The following TBCEL variants were observed in gnomAD, a reference collection of about 807,000 sequenced individuals.
TBCEL encodes the protein tubulin folding cofactor E like, also known as tubulin-specific chaperone cofactor E-like protein.
A neutral mutation model predicts 44.2 loss-of-function variants in TBCEL; 15 were observed. The observed-to-expected ratio is 0.34, with a 90% CI of 0.23 to 0.52. The LOEUF (loss-of-function observed/expected upper bound fraction) is 0.52, where lower values mean the gene tolerates loss of function less well. TBCEL is among the 20% of genes least tolerant of loss of function. The pLI, the probability that TBCEL is intolerant of heterozygous loss-of-function variation, is 0.95. For missense variants in TBCEL, 319 were observed against 506.3 expected, an observed-to-expected ratio of 0.63 and a Z score of 3.55; for synonymous variants, 171 against 185.4, an observed-to-expected ratio of 0.92 and a Z score of 0.63.
intron 1 of TBCEL, among the ~76,000 whole-genome samples, chr11:121,032,278 A>G (rs768952408): frequency 1.3e-5 from 2 of 151,954 alleles, no homozygotes; most frequent in Admixed American, 1.3e-4. Flanking sequence ...TCTCTGTTTC[A>G]TTGGTCTATT....
intron 7 of TBCEL, 136 bp downstream of exon 7, chr11:121,058,607 T>G: frequency 9.4e-7 from 1 of 1,061,094 alleles, no homozygotes; most frequent in Middle Eastern, 2.3e-4. Context: ...GAGCTGCCCC[T>G]GTAGCTCCAA....
At position 121,045,834 on chromosome 11, in the gene TBCEL, T is replaced by C. The variant is rs1945420499; in HGVS notation, c.133+11T>C. On this transcript the variant is annotated intron_variant, in intron 3 of 8. Transcript: ENST00000683345. The stretch of plus-strand genomic sequence containing the variant: ...GCTCTCCTATGAAAGGTAAGAAAGA[T>C]GGGACCTAAAACACTTATTTAGTGG... 1 of 1,573,322 alleles carries C rather than the reference T, an allele frequency of 6.4e-7. No individual in the cohort carries two copies. Among genetic ancestry groups the C allele is most frequent in the Non-Finnish European group, 8.6e-7 (1 of 1,166,334 alleles).
chr11:121,069,279 A>T (rs1234530131), intron 8 of TBCEL, among the ~76,000 whole-genome samples: 1 of 152,172 alleles, frequency 6.6e-6, no homozygotes, highest in African/African-American at 2.4e-5. Flanking sequence ...GCAACTGTTC[A>T]GTAAGATGAT....
At chr11:121,069,410 A>T (rs114819088) in intron 8 of TBCEL, among the ~76,000 whole-genome samples, 143 of 152,348 alleles carry the variant, frequency 9.4e-4, no homozygotes, top group African/African-American at 3.3e-3. Context: ...TTCTAGACAG[A>T]TGTGAGTACA....
intron 1 of TBCEL, among the ~76,000 whole-genome samples, chr11:121,027,048 C>CT (rs35846178): frequency 3.3e-5 from 5 of 152,066 alleles, no homozygotes; most frequent in East Asian, 1.9e-4. Flanking sequence ...TTATATAATA[C>CT]TTTTTTTTCC....
intron 7 of TBCEL, among the ~76,000 whole-genome samples, chr11:121,059,551 T>C (rs954352587): frequency 6.0e-4 from 91 of 152,150 alleles, no homozygotes; most frequent in African/African-American, 2.1e-3. Context: ...TTTAAAAATA[T>C]TGATTACATG....
At chr11:121,080,258 C>T (rs1248459176) in intron 8 of TBCEL, among the ~76,000 whole-genome samples, 1 of 152,122 alleles carries the variant, frequency 6.6e-6, no homozygotes, top group African/African-American at 2.4e-5. Flanking sequence ...TATAGCATTA[C>T]CTAGAGTAAA....
chr11:121,036,518 A>G lies in TBCEL; in HGVS notation c.-112A>G, dbSNP rs981825781. 6.6e-6 allele frequency: 1 copy of G among 152,202 alleles called. No homozygotes were observed. The highest frequency in any genetic ancestry group is 1.5e-5 in the Non-Finnish European group (1 of 68,026). The allele number at this position is 152,202 out of a possible 1,614,324, so 9.4% of individuals were successfully genotyped here. ...CTTATATTTCAGAATGTCTAATTTAATAGGGATATAGACAGTTGGTTTAAA... is the reference window on the plus strand; with the variant it reads ...CTTATATTTCAGAATGTCTAATTTAGTAGGGATATAGACAGTTGGTTTAAA... On this transcript the variant is annotated 5_prime_UTR_variant, in exon 2 of 9. Coordinates refer to ENST00000683345, the MANE Select transcript of TBCEL (RefSeq NM_001363644.2).
intron 4 of TBCEL, among the ~76,000 whole-genome samples, chr11:121,048,077 T>G (rs1321532165): frequency 6.6e-6 from 1 of 151,900 alleles, no homozygotes; most frequent in Non-Finnish European, 1.5e-5. Context: ...CTAAGGAAAT[T>G]TAGGCATCAA....
intron 4 of TBCEL, among the ~76,000 whole-genome samples, chr11:121,052,021 G>A: frequency 6.6e-6 from 1 of 151,820 alleles, no homozygotes; most frequent in Non-Finnish European, 1.5e-5. Context: ...TATTCAGGTT[G>A]CAACCCTGAA....
At chr11:121,037,660 G>A (rs528180802) in intron 2 of TBCEL, among the ~76,000 whole-genome samples, 40 of 152,094 alleles carry the variant, frequency 2.6e-4, no homozygotes, top group Non-Finnish European at 5.1e-4. Context: ...TAGCAAAAAG[G>A]CAGGTTATAA....
chr11:121,065,621 G>A (rs966003030), intron 8 of TBCEL, among the ~76,000 whole-genome samples: 1 of 152,184 alleles, frequency 6.6e-6, no homozygotes, highest in Non-Finnish European at 1.5e-5. Context: ...AACAGTACCT[G>A]CATTTCAGTC....
chr11:121,083,994 C>A (rs1281960691), intron 8 of TBCEL, among the ~76,000 whole-genome samples: 1 of 152,140 alleles, frequency 6.6e-6, no homozygotes, highest in Non-Finnish European at 1.5e-5. Context: ...CTGTATCATC[C>A]CATGATGGAA....
intron 4 of TBCEL, 144 bp from the exon 5 acceptor site, chr11:121,053,405 CTG>C: frequency 1.5e-6 from 1 of 675,870 alleles, no homozygotes; most frequent in Non-Finnish European, 2.5e-6. Context: ...TTATGTCCCT[CTG>C]TGAGTACCGT....
Position 121,045,678 on chromosome 11 carries a change from T to G in TBCEL, c.-13T>G. 1 of 1,567,998 alleles carries G rather than the reference T, an allele frequency of 6.4e-7. No individual in the cohort carries two copies. Among genetic ancestry groups the G allele is most frequent in the Non-Finnish European group, 8.6e-7 (1 of 1,161,638 alleles). Reference sequence around the variant, plus strand: ...TTATTTCTTGGTTTCTTGTAGCATTTTAAGAAAGAAAGATGGATCAACCTA... The same window carrying G: ...TTATTTCTTGGTTTCTTGTAGCATTGTAAGAAAGAAAGATGGATCAACCTA... On this transcript the variant is annotated 5_prime_UTR_variant, in exon 3 of 9. Transcript: ENST00000683345.
At chr11:121,030,474 T>G (rs998865637) in intron 1 of TBCEL, among the ~76,000 whole-genome samples, 1 of 152,216 alleles carries the variant, frequency 6.6e-6, no homozygotes, top group Non-Finnish European at 1.5e-5. Flanking sequence ...CGGAGGCTAA[T>G]GCAGAGGTCC....
chr11:121,057,456 T>C, intron 6 of TBCEL: 3 of 303,776 alleles, frequency 9.9e-6, no homozygotes, highest in South Asian at 9.0e-5. Flanking sequence ...TGTTACATAT[T>C]CTCCTTACTC....
intron 8 of TBCEL, among the ~76,000 whole-genome samples, chr11:121,082,055 G>C (rs1946135489): frequency 1.3e-5 from 2 of 152,236 alleles, no homozygotes; most frequent in African/African-American, 4.8e-5. Flanking sequence ...AGGTTGAAAA[G>C]TTATGAAGGA....
Position 121,089,413 on chromosome 11 carries a change from A to G in TBCEL, c.*2317A>G, listed in dbSNP as rs1348697768. 1 of 152,136 alleles carries G rather than the reference A, an allele frequency of 6.6e-6. No homozygotes were observed. The highest frequency in any genetic ancestry group is 2.4e-5 in the African/African-American group (1 of 41,442). The allele number at this position is 152,136 out of a possible 1,614,324, so 9.4% of individuals were successfully genotyped here. ...CTCATTTAATTCAGCGGATGTGGGT[A>G]TTTTTAGGGCATTGTAATTGATGGT... is the stretch of plus-strand genomic sequence containing the variant. On this transcript the variant is annotated 3_prime_UTR_variant, in exon 9 of 9. Transcript: ENST00000683345.
Sources: gnomAD v4.1 joint callset for allele counts (sites outside exome capture counted in the v4.1 genomes callset) on GRCh38, gnomAD v4.1.1 for gene constraint, MANE v1.5 for transcripts, NCBI Gene and HGNC (gene_info 2026-07-23, HGNC 2026-07-21) for gene names.